Variants in DMD observed in about 807,000 individuals in gnomAD.
The protein encoded by DMD is mutant dystrophin.
Under a neutral mutation model 330.1 loss-of-function variants are expected in DMD, and 63 were observed. That is an observed-to-expected ratio of 0.19 (90% CI 0.16 to 0.24). The LOEUF (loss-of-function observed/expected upper bound fraction) is 0.24. Ranked by LOEUF, DMD falls within the 10% of genes least tolerant of loss-of-function variation. DMD has a pLI of 1.00. For missense variants in DMD, 3,344 were observed against 2,684.1 expected (o/e 1.25, Z -5.43); for synonymous variants, 1,223 against 959.8 (o/e 1.27, Z -5.07).
chrX:32,724,961 C>A (rs757193362), intron 7 of DMD, among the ~76,000 whole-genome samples: 2 of 111,539 alleles, frequency 1.8e-5, no homozygotes, highest in Non-Finnish European at 3.8e-5. Flanking sequence ...TAGTAAACAT[C>A]AAATAAACTT....
intron 2 of DMD, among the ~76,000 whole-genome samples, chrX:32,978,331 A>T (rs975339375): frequency 1.8e-5 from 2 of 112,354 alleles, no homozygotes; most frequent in Non-Finnish European, 3.8e-5. Context: ...TCTAAGAGAA[A>T]TGCCTTATCT....
rs943840990 is a variant in DMD, at chrX:32,144,598, A to C, written c.6438+72318T>G. ...AAATACGCTTATAAGGAAGACCAAA[A>C]AGAGTACACTGATGAGGATCTTTGA... On this transcript the variant is annotated intron_variant, in intron 44 of 78. Coordinates refer to ENST00000357033, the MANE Select transcript of DMD (RefSeq NM_004006.3). 9.8e-5 allele frequency among the ~76,000 whole-genome samples: 11 copies of C among 112,215 alleles called. No homozygotes were observed. In the South Asian group the frequency reaches 4.1e-3, roughly 41 times the overall value.
chrX:32,551,916 A>C (rs1184946860), intron 16 of DMD, among the ~76,000 whole-genome samples: 2 of 112,200 alleles, frequency 1.8e-5, no homozygotes, highest in African/African-American at 6.5e-5. Context: ...AATACAGCTA[A>C]GCAAGGAGGT....
chrX:32,479,351 C>T (rs949873753), intron 21 of DMD, among the ~76,000 whole-genome samples: 2 of 110,981 alleles, frequency 1.8e-5, no homozygotes, highest in African/African-American at 3.3e-5. Flanking sequence ...GTGTCCACCA[C>T]GCAGTACTAG....
chrX:32,616,580 T>A (rs1218938038), intron 11 of DMD, among the ~76,000 whole-genome samples: 1 of 109,621 alleles, frequency 9.1e-6, no homozygotes, highest in East Asian at 2.9e-4. Context: ...AGCGAGACCG[T>A]GGAGTTTAGC....
At chrX:33,006,584 A>G (rs1218491569) in intron 2 of DMD, among the ~76,000 whole-genome samples, 1 of 111,536 alleles carries the variant, frequency 9.0e-6, no homozygotes, top group Admixed American at 9.6e-5. Flanking sequence ...ATCAGATCAG[A>G]AGAGAGACAA....
chrX:32,259,215 A>G (rs1244979464), intron 43 of DMD, among the ~76,000 whole-genome samples: 1 of 109,807 alleles, frequency 9.1e-6, no homozygotes, highest in East Asian at 2.9e-4. Context: ...ATATCACACA[A>G]TATTATTCAT....
intron 2 of DMD, among the ~76,000 whole-genome samples, chrX:32,953,325 C>T (rs2091374720): frequency 9.0e-6 from 1 of 110,679 alleles, no homozygotes; most frequent in Non-Finnish European, 1.9e-5. Flanking sequence ...GCAAAACTAT[C>T]AATTTTTGTA....
Position 31,325,446 on chromosome X carries a change from C to CAAAA in DMD, c.9164-1792_9164-1789dup, listed in dbSNP as rs386416849. ...GAAACGCTATCTCTACTAAAAATAC[C>CAAAA]AAAAAAAAAAAAAAAAAAAAAGCCG... is the stretch of plus-strand genomic sequence containing the variant. On this transcript the variant is annotated intron_variant, in intron 61 of 78. Coordinates refer to ENST00000357033, the MANE Select transcript of DMD (RefSeq NM_004006.3). Among the ~76,000 whole-genome samples, 70 of 51,029 alleles carry CAAAA rather than the reference C, an allele frequency of 1.4e-3. 2 individuals are homozygous for CAAAA. In the South Asian group the frequency reaches 0.015, roughly 11 times the overall value. The allele number at this position is 51,029 out of a possible 115,157, so 44.3% of individuals were successfully genotyped here. A position where few individuals can be genotyped will look rare whatever the true frequency, so the allele number is the denominator to read the frequency against.
At chrX:31,352,206 G>A (rs1259625778) in intron 60 of DMD, among the ~76,000 whole-genome samples, 1 of 111,144 alleles carries the variant, frequency 9.0e-6, no homozygotes, top group Non-Finnish European at 1.9e-5. Flanking sequence ...CTTGAAGAAT[G>A]TGATACCATA....
At chrX:31,351,405 G>C (rs1016176072) in intron 60 of DMD, among the ~76,000 whole-genome samples, 9 of 110,818 alleles carry the variant, frequency 8.1e-5, no homozygotes, top group Admixed American at 7.7e-4. Flanking sequence ...ACCAGCTACT[G>C]TTCTTGCTAC....
chrX:31,143,489 T>C (rs1245507463), intron 76 of DMD, among the ~76,000 whole-genome samples: 1 of 112,063 alleles, frequency 8.9e-6, no homozygotes, highest in Non-Finnish European at 1.9e-5. Context: ...TAGTTCTTTA[T>C]AGCAGTGTGA....
chrX:31,428,498 T>C (rs980782391), intron 60 of DMD, among the ~76,000 whole-genome samples: 1 of 111,949 alleles, frequency 8.9e-6, no homozygotes, highest in Non-Finnish European at 1.9e-5. Context: ...TATTCCTTTA[T>C]AGTGATGCAA....
chrX:31,441,259 C>T (rs893880158), intron 60 of DMD, among the ~76,000 whole-genome samples: 2 of 111,818 alleles, frequency 1.8e-5, no homozygotes, highest in African/African-American at 3.3e-5. Flanking sequence ...TGCAGTGGCA[C>T]GATCTCAGCT....
intron 43 of DMD, among the ~76,000 whole-genome samples, chrX:32,251,335 A>G (rs1408435043): frequency 9.0e-6 from 1 of 111,115 alleles, no homozygotes; most frequent in Non-Finnish European, 1.9e-5. Flanking sequence ...GGTCACAGAT[A>G]TTTCATCCAC....
chrX:33,087,456 C>T (rs989967239), intron 1 of DMD, among the ~76,000 whole-genome samples: 1 of 111,729 alleles, frequency 9.0e-6, no homozygotes, highest in Admixed American at 9.5e-5. Context: ...TTATATTGCC[C>T]TCTTCCCCAA....
intron 19 of DMD, among the ~76,000 whole-genome samples, chrX:32,499,347 A>C (rs2043810864): frequency 8.9e-6 from 1 of 111,842 alleles, no homozygotes; most frequent in Admixed American, 9.5e-5. Context: ...ATATATGTTA[A>C]ATATTTTCAC....
At chrX:31,927,847 A>G (rs1232349961) in intron 47 of DMD, among the ~76,000 whole-genome samples, 1 of 111,919 alleles carries the variant, frequency 8.9e-6, no homozygotes, top group East Asian at 2.8e-4. Flanking sequence ...AAATTAGATG[A>G]CTCAGTATCG....
intron 1 of DMD, among the ~76,000 whole-genome samples, chrX:33,118,036 G>C (rs1278649446): frequency 1.8e-5 from 2 of 110,453 alleles, no homozygotes; most frequent in African/African-American, 6.6e-5. Context: ...CACTAGTAAA[G>C]CCAGAAGCTA....
Sources: allele counts gnomAD v4.1 joint callset (sites outside exome capture counted in the v4.1 genomes callset), GRCh38; gene constraint gnomAD v4.1.1; transcripts MANE v1.5; gene names NCBI Gene and HGNC (gene_info 2026-07-23, HGNC 2026-07-21).